LMLN: variants seen among roughly 807,000 people sequenced by gnomAD.
The protein encoded by LMLN is leishmanolysin-like peptidase.
Under a neutral mutation model 92.3 loss-of-function variants are expected in LMLN, and 70 were observed. That is an observed-to-expected ratio of 0.76 (90% CI 0.63 to 0.92). The LOEUF is 0.92. Among genes scored for constraint, LMLN ranks in the 40% least tolerant of loss-of-function variants. The pLI, the probability that LMLN is intolerant of heterozygous loss-of-function variation, is 0.00. For synonymous variants in LMLN, 308 were observed against 296.2 expected, an observed-to-expected ratio of 1.04 and a Z score of -0.41; for missense variants, 691 against 814.6, an observed-to-expected ratio of 0.85 and a Z score of 1.85.
At chr3:198,002,963 T>C in intron 11 of LMLN, 52 bp from the exon 12 acceptor site, 1 of 979,112 alleles carries the variant, frequency 1.0e-6, no homozygotes, top group Non-Finnish European at 1.6e-6. Context: ...TATGCTAGAG[T>C]TGTTTTTGAA....
At chr3:197,995,561 G>T (rs1721993944) in intron 9 of LMLN, among the ~76,000 whole-genome samples, 1 of 152,140 alleles carries the variant, frequency 6.6e-6, no homozygotes, top group Non-Finnish European at 1.5e-5. Context: ...GAGGGTAGTG[G>T]TTATAGAGGC....
At chr3:198,035,882 A>G in exon 15 of LMLN, 1 of 1,613,936 alleles carries the variant, frequency 6.2e-7, no homozygotes, top group Non-Finnish European at 8.5e-7. Context: ...GATACTTCAT[A>G]TTTGTGTAGT....
chr3:197,980,398 G>C (rs977322859), exon 6 of LMLN: 1 of 1,614,016 alleles, frequency 6.2e-7, no homozygotes, highest in African/African-American at 1.3e-5. Flanking sequence ...AGGCATCTCA[G>C]ATGCAGACTT....
intron 5 of LMLN, among the ~76,000 whole-genome samples, chr3:197,979,690 C>G (rs1274733276): frequency 6.6e-6 from 1 of 152,086 alleles, no homozygotes; most frequent in East Asian, 1.9e-4. Context: ...GTGGCAGGCA[C>G]CTGTAATCCC....
intron 11 of LMLN, among the ~76,000 whole-genome samples, chr3:198,007,024 T>A (rs1309422624): frequency 6.6e-6 from 1 of 152,262 alleles, no homozygotes; most frequent in Non-Finnish European, 1.5e-5. Flanking sequence ...TTTAATTGGA[T>A]TGTTTTTTAC....
intron 5 of LMLN, among the ~76,000 whole-genome samples, chr3:197,976,986 A>G (rs573054368): frequency 6.6e-6 from 1 of 152,206 alleles, no homozygotes; most frequent in Non-Finnish European, 1.5e-5. Flanking sequence ...TTGTCTTCCA[A>G]AATATCTTTT....
chr3:197,981,723 T>C (rs1439800492), intron 6 of LMLN, among the ~76,000 whole-genome samples: 2 of 151,946 alleles, frequency 1.3e-5, no homozygotes, highest in Non-Finnish European at 2.9e-5. Context: ...TGTCTCAGAA[T>C]AGATTGTATA....
intron 1 of LMLN, among the ~76,000 whole-genome samples, chr3:197,970,964 A>G (rs1721207177): frequency 6.6e-6 from 1 of 151,066 alleles, no homozygotes. Context: ...GCTGGTGATC[A>G]GTTTTCTCAG....
intron 14 of LMLN, among the ~76,000 whole-genome samples, chr3:198,027,386 TA>T (rs1722961877): frequency 6.6e-6 from 1 of 152,116 alleles, no homozygotes; most frequent in Admixed American, 6.6e-5. Context: ...AAAATATATA[TA>T]ACATAAACAT....
At chr3:197,962,969 T>G (rs995068312) in intron 1 of LMLN, among the ~76,000 whole-genome samples, 7 of 152,242 alleles carry the variant, frequency 4.6e-5, no homozygotes, top group African/African-American at 1.7e-4. Flanking sequence ...CAAAGACAGA[T>G]CCATATAAAT....
chr3:197,984,822 C>T (rs960269566), intron 7 of LMLN, among the ~76,000 whole-genome samples: 62 of 151,584 alleles, frequency 4.1e-4, no homozygotes, highest in African/African-American at 1.5e-3. Flanking sequence ...ACCACAGGCA[C>T]GCACCACCAT....
At chr3:197,989,702 AG>A (rs1721810469) in intron 8 of LMLN, among the ~76,000 whole-genome samples, 1 of 152,140 alleles carries the variant, frequency 6.6e-6, no homozygotes, top group African/African-American at 2.4e-5. Context: ...ATAATCTCAT[AG>A]GGTTGTTGAA....
rs1270038174 is a variant in LMLN at position 197,970,833 on chromosome 3, T to A, written c.220-3544T>A. 3.9e-5 allele frequency among the ~76,000 whole-genome samples: 6 copies of A among 152,248 alleles called. No homozygotes were observed. The East Asian group carries it at 1.2e-3, about 29-fold the overall frequency. On this transcript the variant is annotated intron_variant, in intron 1 of 15. Coordinates refer to ENST00000330198, the Ensembl canonical transcript of LMLN. ...CTCTTCTGCACAATAGTCTTTCATA[T>A]CTATTCACGTATTTACCATTTCCAA...
At chr3:197,984,525 C>T (rs1387209289) in intron 7 of LMLN, among the ~76,000 whole-genome samples, 2 of 152,126 alleles carry the variant, frequency 1.3e-5, no homozygotes, top group African/African-American at 4.8e-5. Context: ...CCCATGATGG[C>T]CCACTGCAGC....
chr3:198,014,032 T>C (rs372492338), intron 11 of LMLN, among the ~76,000 whole-genome samples: 325 of 59,584 alleles, frequency 5.5e-3, no homozygotes, highest in Middle Eastern at 0.021. Context: ...TTTAGAGCCC[T>C]CTAACTAGTC....
At chr3:198,005,869 C>A (rs941327843) in intron 11 of LMLN, among the ~76,000 whole-genome samples, 9 of 152,076 alleles carry the variant, frequency 5.9e-5, no homozygotes, top group African/African-American at 2.2e-4. Flanking sequence ...GTAATCCCAG[C>A]ACTTTGGGAG....
intron 1 of LMLN, among the ~76,000 whole-genome samples, chr3:197,964,870 G>T (rs1012880527): frequency 6.6e-6 from 1 of 151,960 alleles, no homozygotes; most frequent in Non-Finnish European, 1.5e-5. Context: ...AACCAGGTAT[G>T]GTGGCGGGCA....
chr3:197,992,375 AT>A (rs1037843624), intron 9 of LMLN, among the ~76,000 whole-genome samples: 12 of 152,114 alleles, frequency 7.9e-5, no homozygotes, highest in Admixed American at 2.6e-4. Flanking sequence ...GCCAGAATAG[AT>A]TTTTTTGGAC....
chr3:197,971,910 A>G (rs1182132643), intron 1 of LMLN, among the ~76,000 whole-genome samples: 2 of 143,440 alleles, frequency 1.4e-5, no homozygotes, highest in Non-Finnish European at 3.0e-5. Flanking sequence ...CCTATCTGCT[A>G]GACTGCTTGG....
Sources: gnomAD v4.1 joint callset for allele counts (sites outside exome capture counted in the v4.1 genomes callset) on GRCh38, gnomAD v4.1.1 for gene constraint, MANE v1.5 for transcripts, NCBI Gene and HGNC (gene_info 2026-07-23, HGNC 2026-07-21) for gene names.